TNKS: variants seen among roughly 807,000 people sequenced by gnomAD.
TNKS encodes the protein poly [ADP-ribose] polymerase tankyrase-1.
A neutral mutation model predicts 135.8 loss-of-function variants in TNKS; 72 were observed. The ratio of observed to expected loss-of-function variants is 0.53; its 90% CI spans 0.44 to 0.64. The LOEUF (loss-of-function observed/expected upper bound fraction) is 0.64. TNKS is among the 30% of genes least tolerant of loss of function. The pLI is 0.00. For synonymous variants in TNKS, 849 were observed against 649.3 expected (o/e 1.31, Z -4.68); for missense variants, 1,769 against 1,674.0 (o/e 1.06, Z -0.99).
rs769283283 is a variant in TNKS, at chr8:9,731,012, C to T, written c.2124C>T (p.Ala708=). 15 of 1,611,368 alleles carry T rather than the reference C, an allele frequency of 9.3e-6. No homozygotes were observed. Among genetic ancestry groups the T allele is most frequent in the East Asian group, 4.5e-5 (2 of 44,776 alleles). The change falls in exon 14 of 27, where the codon GCC becomes GCT. Residue 708 remains alanine, a synonymous_variant. Transcript: ENST00000310430. The stretch of plus-strand genomic sequence containing the variant: ...TAGAGTACCTGCTACACCACGGTGC[C>T]GATGTCCATGCCAAAGACAAGGGGT... ...SVVEYLLHHG[A]DVHAKDKGGL... is the part of the protein sequence containing the mutation.
At chr8:9,705,812 A>G (rs1804014000) in intron 6 of TNKS, among the ~76,000 whole-genome samples, 1 of 152,208 alleles carries the variant, frequency 6.6e-6, no homozygotes, top group African/African-American at 2.4e-5. Context: ...ATATTTGATT[A>G]TTTTGCTAGA....
chr8:9,627,208 C>G (rs566672974), intron 3 of TNKS, among the ~76,000 whole-genome samples: 1 of 152,198 alleles, frequency 6.6e-6, no homozygotes, highest in African/African-American at 2.4e-5. Context: ...GGAAGCGCCT[C>G]TCCCCCTTCC....
In TNKS at chr8:9,583,545, G is replaced by A. The variant is rs565070036; in HGVS notation, c.898+3162G>A. Reference sequence around the variant, plus strand: ...TGCTCTGTCACCAGGCTGGAGTGCGGTGGCGCGATCTCTGCTCACTGCGAA... The same window carrying A: ...TGCTCTGTCACCAGGCTGGAGTGCGATGGCGCGATCTCTGCTCACTGCGAA... On this transcript the variant is annotated intron_variant, in intron 2 of 26. Coordinates refer to ENST00000310430, the MANE Select transcript of TNKS (RefSeq NM_003747.3). Among the ~76,000 whole-genome samples, 6 of 151,992 alleles carry A rather than the reference G, an allele frequency of 3.9e-5. No individual in the cohort carries two copies. In the East Asian group the frequency reaches 1.2e-3, roughly 30 times the overall value.
At chr8:9,690,621 G>A (rs1242393025) in intron 5 of TNKS, among the ~76,000 whole-genome samples, 1 of 152,072 alleles carries the variant, frequency 6.6e-6, no homozygotes, top group Non-Finnish European at 1.5e-5. Flanking sequence ...TTAGCTGGGT[G>A]GCAGGCACCT....
At chr8:9,748,295 T>C in intron 18 of TNKS, 83 bp downstream of exon 18, 1 of 1,203,420 alleles carries the variant, frequency 8.3e-7, no homozygotes, top group Non-Finnish European at 1.1e-6. Context: ...CAGCTTACTT[T>C]TAGTCGTGTT....
chr8:9,776,572 T>G lies in TNKS; in HGVS notation c.3898-78T>G, dbSNP rs1808235392. The stretch of plus-strand genomic sequence containing the variant: ...AATATTGGTCACGATTAACAGCCTT[T>G]GAGGCTTCCACATTCGGCAAGGCTT... On this transcript the variant is annotated intron_variant, in intron 26 of 26. Coordinates refer to ENST00000310430, the MANE Select transcript of TNKS (RefSeq NM_003747.3). 4 of 1,363,746 alleles carry G rather than the reference T, an allele frequency of 2.9e-6. No homozygotes were observed. In the Admixed American group the frequency reaches 5.2e-5, roughly 18 times the overall value. The allele number at this position is 1,363,746 out of a possible 1,614,324, so 84.5% of individuals were successfully genotyped here. A position where few individuals can be genotyped will look rare whatever the true frequency, so the allele number is the denominator to read the frequency against.
chr8:9,767,984 G>C, intron 25 of TNKS, among the ~76,000 whole-genome samples: 1 of 149,776 alleles, frequency 6.7e-6, no homozygotes, highest in South Asian at 2.1e-4. Context: ...AAAGAATACA[G>C]AGAAATTTTC....
In TNKS at chr8:9,781,671, T is replaced by C. The variant is rs564809976; in HGVS notation, c.*4935T>C. 4 of 152,764 alleles carry C rather than the reference T, an allele frequency of 2.6e-5. No individual in the cohort carries two copies. In the South Asian group the frequency reaches 8.3e-4, roughly 32 times the overall value. The allele number at this position is 152,764 out of a possible 1,614,324, so 9.5% of individuals were successfully genotyped here. On this transcript the variant is annotated 3_prime_UTR_variant, in exon 27 of 27. Transcript: ENST00000310430. Reference sequence around the variant, plus strand: ...AAAAAGGTACTTTTATCAAGGTTTCTCAAAACATTTACAAAACCAGCTTTG... The same window carrying C: ...AAAAAGGTACTTTTATCAAGGTTTCCCAAAACATTTACAAAACCAGCTTTG...
rs182285824 is a variant in TNKS at position 9,637,913 on chromosome 8, G to C, written c.994+22236G>C. Among the ~76,000 whole-genome samples the C allele has an allele frequency of 1.1e-3, 170 of 152,062 alleles. 2 individuals carry two copies. Among genetic ancestry groups the C allele is most frequent in the Admixed American group, 4.3e-3 (66 of 15,260 alleles). The stretch of plus-strand genomic sequence containing the variant: ...GATTTTATTTACTCCTTTTTCTTAA[G>C]GTTATACTTTAATGTGTGCCCTTCT... On this transcript the variant is annotated intron_variant, in intron 3 of 26. Coordinates refer to ENST00000310430, the MANE Select transcript of TNKS (RefSeq NM_003747.3).
At chr8:9,557,112 C>T (rs940459943) in intron 1 of TNKS, 9 of 163,640 alleles carry the variant, frequency 5.5e-5, no homozygotes, top group African/African-American at 2.2e-4. Context: ...TTCCCTTCTT[C>T]TAAAGAAGTT....
At chr8:9,744,595 C>T (rs949775495) in intron 17 of TNKS, among the ~76,000 whole-genome samples, 2 of 152,146 alleles carry the variant, frequency 1.3e-5, no homozygotes, top group African/African-American at 4.8e-5. Context: ...TCTGTTTCTC[C>T]TGGAAACATT....
intron 5 of TNKS, among the ~76,000 whole-genome samples, chr8:9,698,748 G>T (rs1803650304): frequency 1.3e-5 from 2 of 152,152 alleles, no homozygotes; most frequent in South Asian, 4.2e-4. Context: ...TACATGCATG[G>T]TTGTATAGGA....
chr8:9,625,017 C>T (rs901803264), intron 3 of TNKS, among the ~76,000 whole-genome samples: 1 of 152,112 alleles, frequency 6.6e-6, no homozygotes, highest in South Asian at 2.1e-4. Context: ...AACTGTATTT[C>T]TCCTTAAATG....
chr8:9,663,512 A>G (rs1221437064), intron 3 of TNKS, among the ~76,000 whole-genome samples: 1 of 152,168 alleles, frequency 6.6e-6, no homozygotes, highest in Non-Finnish European at 1.5e-5. Context: ...GTGTCCTATA[A>G]TTTGATTCTG....
intron 21 of TNKS, 79 bp from the exon 22 acceptor site, chr8:9,763,063 ATTTTT>A (rs66959741): frequency 1.4e-3 from 505 of 362,726 alleles, no homozygotes; most frequent in Middle Eastern, 4.1e-3. Flanking sequence ...CTTATTATGA[ATTTTT>A]TTTTTTTTTT....
At chr8:9,681,326 T>G (rs1802773215) in intron 5 of TNKS, among the ~76,000 whole-genome samples, 1 of 152,108 alleles carries the variant, frequency 6.6e-6, no homozygotes, top group South Asian at 2.1e-4. Flanking sequence ...TGAAAGAAAA[T>G]AGATTAAAAC....
At chr8:9,753,811 C>A (rs1325994413) in intron 20 of TNKS, among the ~76,000 whole-genome samples, 2 of 152,104 alleles carry the variant, frequency 1.3e-5, no homozygotes, top group Admixed American at 1.3e-4. Context: ...CAAAATCTGC[C>A]CGTAGGTATA....
Position 9,777,976 on chromosome 8 carries a change from A to T in TNKS, c.*1240A>T, listed in dbSNP as rs1808302429. The T allele has an allele frequency of 6.6e-6, 1 of 152,626 alleles. No individual in the cohort carries two copies. Among genetic ancestry groups the T allele is most frequent in the Non-Finnish European group, 1.5e-5 (1 of 68,038 alleles). 9.5% of individuals were successfully genotyped at this position (152,626 alleles called of 1,614,324 possible). A position where few individuals can be genotyped will look rare whatever the true frequency, so the allele number is the denominator to read the frequency against. On this transcript the variant is annotated 3_prime_UTR_variant, in exon 27 of 27. Coordinates refer to ENST00000310430, the MANE Select transcript of TNKS (RefSeq NM_003747.3). ...TAAAGATCCTTGCATTAAATTTCTG[A>T]ACCATTTCTTCAAACTTCTTAGTGT...
At chr8:9,761,038 G>A (rs1807123343) in intron 20 of TNKS, among the ~76,000 whole-genome samples, 1 of 152,146 alleles carries the variant, frequency 6.6e-6, no homozygotes, top group Non-Finnish European at 1.5e-5. Context: ...TTAGCACTGA[G>A]AAGTTCTTCC....
Sources: allele counts gnomAD v4.1 joint callset (sites outside exome capture counted in the v4.1 genomes callset), GRCh38; gene constraint gnomAD v4.1.1; transcripts MANE v1.5; gene names NCBI Gene and HGNC (gene_info 2026-07-23, HGNC 2026-07-21).